Variants in CACNA2D2 observed in about 807,000 individuals in gnomAD.
CACNA2D2 encodes the protein voltage-dependent calcium channel subunit alpha-2/delta-2.
In CACNA2D2, 48 loss-of-function variants were observed where a neutral mutation model predicts 166.4. The observed-to-expected ratio is 0.29, with a 90% CI of 0.23 to 0.37. The LOEUF (loss-of-function observed/expected upper bound fraction) is 0.37, where lower values mean the gene tolerates loss of function less well. CACNA2D2 is among the 10% of genes least tolerant of loss of function. The probability of loss-of-function intolerance (pLI) is 1.00; values close to 1 mark genes in which losing one functional copy is unlikely to be tolerated. For synonymous variants in CACNA2D2, 561 were observed against 573.7 expected (o/e 0.98, Z 0.32); for missense variants, 1,122 against 1,433.0 (o/e 0.78, Z 3.50).
At chr3:50,423,924 C>T (rs1360195123) in intron 3 of CACNA2D2, among the ~76,000 whole-genome samples, 2 of 152,236 alleles carry the variant, frequency 1.3e-5, no homozygotes, top group African/African-American at 4.8e-5. Context: ...GTTCTACACA[C>T]GGGGCGGAGC....
Position 50,364,874 on chromosome 3 carries a change from C to T in CACNA2D2, c.3291+14G>A, listed in dbSNP as rs376000018. The T allele has an allele frequency of 1.4e-5, 23 of 1,613,278 alleles. No homozygotes were observed. The African/African-American group carries it at 3.1e-4, about 22-fold the overall frequency. The stretch of plus-strand genomic sequence containing the variant: ...AGGCCGCGGGATTTCGGGTCCACCG[C>T]CCCCTCTCCTCACTGTCGCGTTGTA... On this transcript the variant is annotated intron_variant, in intron 37 of 37. Coordinates refer to ENST00000424201, the MANE Select transcript of CACNA2D2 (RefSeq NM_006030.4).
intron 3 of CACNA2D2, among the ~76,000 whole-genome samples, chr3:50,406,437 G>GC (rs1214747969): frequency 6.6e-6 from 1 of 151,566 alleles, no homozygotes. Flanking sequence ...TCCACAGGGA[G>GC]CCCCCCATCA....
At chr3:50,468,782 T>C (rs974202565) in intron 2 of CACNA2D2, among the ~76,000 whole-genome samples, 1 of 151,552 alleles carries the variant, frequency 6.6e-6, no homozygotes, top group Non-Finnish European at 1.5e-5. Flanking sequence ...AGGTCAGAGT[T>C]GGGTGGCTTT....
intron 2 of CACNA2D2, among the ~76,000 whole-genome samples, chr3:50,472,442 C>T (rs1710138064): frequency 6.6e-6 from 1 of 152,182 alleles, no homozygotes; most frequent in African/African-American, 2.4e-5. Flanking sequence ...CGGGTTCCTG[C>T]TTCTAGCCCA....
chr3:50,448,280 A>G lies in CACNA2D2; in HGVS notation c.289-13851T>C, dbSNP rs76730366. Among the ~76,000 whole-genome samples, 87 of 152,300 alleles carry G rather than the reference A, an allele frequency of 5.7e-4. 1 individual carries two copies. The East Asian group carries it at 9.6e-3, about 17-fold the overall frequency. ...ATATAGTATTACGCTTTGTGGAGTC[A>G]TCAACGTGACTGGAAGCTCTGGCTA... On this transcript the variant is annotated intron_variant, in intron 2 of 37. Transcript: ENST00000424201.
intron 22 of CACNA2D2, among the ~76,000 whole-genome samples, chr3:50,372,489 C>T (rs57053520): frequency 1.3e-5 from 2 of 152,208 alleles, no homozygotes; most frequent in African/African-American, 4.8e-5. Flanking sequence ...GGGGCCTGCC[C>T]TATGCTGCCC....
rs1477813641 is a variant in CACNA2D2 at position 50,362,893 on chromosome 3, CA to C, written c.*1772del. On this transcript the variant is annotated 3_prime_UTR_variant, in exon 38 of 38. Transcript: ENST00000424201. The stretch of plus-strand genomic sequence containing the variant: ...AAGGAATCACACACACGATATTTTA[CA>C]AAGTTTCTTGACTTTTTTGTCGCTG... 8 of 387,274 alleles carry C rather than the reference CA, an allele frequency of 2.1e-5. No homozygotes were observed. The East Asian group carries it at 2.9e-4, about 14-fold the overall frequency. 24.0% of individuals were successfully genotyped at this position (387,274 alleles called of 1,614,324 possible).
intron 2 of CACNA2D2, among the ~76,000 whole-genome samples, chr3:50,471,632 ATGT>A (rs1430468648): frequency 6.6e-6 from 1 of 151,962 alleles, no homozygotes; most frequent in East Asian, 1.9e-4. Flanking sequence ...TGTGTTTCAG[ATGT>A]TGGTGGTGCC....
intron 3 of CACNA2D2, among the ~76,000 whole-genome samples, chr3:50,402,208 G>T (rs1055469232): frequency 2.6e-4 from 40 of 152,278 alleles, no homozygotes; most frequent in African/African-American, 9.4e-4. Flanking sequence ...AATGTGTCCA[G>T]TGTGAACAGG....
intron 3 of CACNA2D2, among the ~76,000 whole-genome samples, chr3:50,425,014 C>T (rs1193084145): frequency 2.0e-5 from 3 of 152,168 alleles, no homozygotes; most frequent in Admixed American, 2.0e-4. Flanking sequence ...CACAGAGAGG[C>T]ATCGCTCGCT....
At chr3:50,392,063 G>A (rs1559904338) in intron 4 of CACNA2D2, among the ~76,000 whole-genome samples, 1 of 152,304 alleles carries the variant, frequency 6.6e-6, no homozygotes, top group African/African-American at 2.4e-5. Flanking sequence ...TTGTGGCACA[G>A]GCCAGGTGCC....
At chr3:50,436,532 C>T (rs1355891356) in intron 2 of CACNA2D2, among the ~76,000 whole-genome samples, 1 of 152,192 alleles carries the variant, frequency 6.6e-6, no homozygotes, top group African/African-American at 2.4e-5. Context: ...AGGGCACCAA[C>T]AGGTGACATG....
At chr3:50,410,686 T>TC (rs1364558823) in intron 3 of CACNA2D2, among the ~76,000 whole-genome samples, 1 of 152,178 alleles carries the variant, frequency 6.6e-6, no homozygotes, top group Non-Finnish European at 1.5e-5. Flanking sequence ...GCAGGACTCC[T>TC]CCAAGGGAAA....
intron 3 of CACNA2D2, chr3:50,415,869 C>T (rs1707244369): frequency 6.6e-6 from 1 of 152,282 alleles, no homozygotes; most frequent in Admixed American, 6.5e-5. Flanking sequence ...TATATTCTCA[C>T]ACCTCCGTGC....
intron 1 of CACNA2D2, among the ~76,000 whole-genome samples, chr3:50,476,952 CAG>C (rs1174467943): frequency 1.4e-5 from 2 of 141,074 alleles, no homozygotes; most frequent in Non-Finnish European, 3.0e-5. Flanking sequence ...TTTTTTGAGA[CAG>C]AGTCTCGATC....
Position 50,365,712 on chromosome 3 carries a change from G to A in CACNA2D2, c.2916-24C>T. On this transcript the variant is annotated intron_variant, in intron 33 of 37. Transcript: ENST00000424201. This position sits in a 1 kb window ranked among gnomAD's most constrained non-coding sequence, Gnocchi z 4.5. The stretch of plus-strand genomic sequence containing the variant: ...ACCTGCAGCGCACGGGGAGCCGAGT[G>A]CAGGTGGTCAGCAGAGGACGATGCC... The A allele has an allele frequency of 3.1e-6, 5 of 1,596,622 alleles. No homozygotes were observed. Among genetic ancestry groups the A allele is most frequent in the Middle Eastern group, 3.3e-4 (2 of 6,036 alleles).
At position 50,379,870 on chromosome 3, in the gene CACNA2D2, C is replaced by G. The variant is rs115908300; in HGVS notation, c.894-46G>C. ...ACGTGGAGGAGCCAGGGGAACCTCA[C>G]GTGTTCTCCTGCCCATCCCCCAAGA... On this transcript the variant is annotated intron_variant, in intron 9 of 37. Coordinates refer to ENST00000424201, the MANE Select transcript of CACNA2D2 (RefSeq NM_006030.4). The surrounding 1 kb of genome is among the most constrained non-coding windows in gnomAD (Gnocchi z 6.5). The G allele has an allele frequency of 1.9e-6, 3 of 1,609,358 alleles. No homozygotes were observed. In the Admixed American group the frequency reaches 5.0e-5, roughly 27 times the overall value.
chr3:50,457,717 G>A (rs528247774), intron 2 of CACNA2D2, among the ~76,000 whole-genome samples: 13 of 152,180 alleles, frequency 8.5e-5, no homozygotes, highest in African/African-American at 2.2e-4. Flanking sequence ...GATGCTGAGC[G>A]CAGAGACTTC....
At position 50,366,317 on chromosome 3, in the gene CACNA2D2, C is replaced by T. The variant is rs1704280396; in HGVS notation, c.2659G>A (p.Asp887Asn). 1 of 1,614,060 alleles carries T rather than the reference C, an allele frequency of 6.2e-7. No individual in the cohort carries two copies. Among genetic ancestry groups the T allele is most frequent in the Non-Finnish European group, 8.5e-7 (1 of 1,179,980 alleles). Residue 887 changes from aspartate to asparagine, a missense_variant, in exon 31 of 38, where the codon GAT (aspartate) becomes AAT (asparagine). Coordinates refer to ENST00000424201, the MANE Select transcript of CACNA2D2 (RefSeq NM_006030.4). The surrounding 1 kb of genome is among the most constrained non-coding windows in gnomAD (Gnocchi z 5.9). ...NNEDLLCVLI[D>N]DGGFLVLSNQ... ...GACAGCACCAGGAATCCTCCATCAT[C>T]AATGAGGACACAGAGTAAGTCCTAG...
Sources: allele counts gnomAD v4.1 joint callset (sites outside exome capture counted in the v4.1 genomes callset), GRCh38; gene constraint gnomAD v4.1.1; non-coding constraint Gnocchi (gnomAD v3.1); transcripts MANE v1.5; gene names NCBI Gene and HGNC (gene_info 2026-07-23, HGNC 2026-07-21).